ADCY5: variants seen among roughly 807,000 people sequenced by gnomAD.
The protein encoded by ADCY5 is adenylate cyclase type 5.
In ADCY5, 30 loss-of-function variants were observed where a neutral mutation model predicts 119.7. The ratio of observed to expected loss-of-function variants is 0.25; its 90% confidence interval spans 0.19 to 0.34. ADCY5 has a LOEUF of 0.34. ADCY5 is among the 10% of genes least tolerant of loss of function. ADCY5 has a pLI of 1.00. For synonymous variants in ADCY5, 753 were observed against 762.2 expected (o/e 0.99, Z 0.20); for missense variants, 1,324 against 1,775.2 (o/e 0.75, Z 4.57).
intron 6 of ADCY5, 59 bp from the exon 7 acceptor site, chr3:123,327,818 C>G: frequency 6.3e-7 from 1 of 1,589,464 alleles, no homozygotes. Flanking sequence ...ATAATGTCAG[C>G]CCCCGTGAAA....
At chr3:123,351,646 T>C (rs142499862) in intron 2 of ADCY5, among the ~76,000 whole-genome samples, 59 of 152,248 alleles carry the variant, frequency 3.9e-4, no homozygotes, top group Non-Finnish European at 6.2e-4. Context: ...AGGCCTCCCA[T>C]GTGTGAGCCA....
rs1477621349 is a variant in ADCY5, at chr3:123,283,836, A to AAAGAC, written c.*767_*771dup. The stretch of plus-strand genomic sequence containing the variant: ...AATAATACAAAATAAAAAATACAAA[A>AAAGAC]AAGACAAGTGGGGATCCCCGCCCTC... On this transcript the variant is annotated 3_prime_UTR_variant, in exon 21 of 21. Transcript: ENST00000462833. The AAAGAC allele has an allele frequency of 7.2e-5, 11 of 152,212 alleles. No individual in the cohort carries two copies. The highest frequency in any genetic ancestry group is 2.4e-4 in the African/African-American group (10 of 41,446). The allele number at this position is 152,212 out of a possible 1,614,324, so 9.4% of individuals were successfully genotyped here. A position where few individuals can be genotyped will look rare whatever the true frequency, so the allele number is the denominator to read the frequency against.
At chr3:123,294,760 C>T (rs372977597) in intron 17 of ADCY5, among the ~76,000 whole-genome samples, 2 of 152,088 alleles carry the variant, frequency 1.3e-5, no homozygotes, top group Non-Finnish European at 2.9e-5. Context: ...TGCTGATCGC[C>T]GATGGGGAGG....
intron 1 of ADCY5, chr3:123,416,197 C>T (rs1283604523): frequency 3.9e-6 from 6 of 1,535,994 alleles, no homozygotes; most frequent in Non-Finnish European, 4.4e-6. Flanking sequence ...CCGTGGGGCC[C>T]ATTCTCCTCC....
At chr3:123,420,546 C>A (rs1292580190) in intron 1 of ADCY5, among the ~76,000 whole-genome samples, 1 of 152,190 alleles carries the variant, frequency 6.6e-6, no homozygotes, top group Non-Finnish European at 1.5e-5. Context: ...GGCCGCATCT[C>A]CATTCTCCTA....
At chr3:123,343,740 G>A (rs906137787) in intron 3 of ADCY5, among the ~76,000 whole-genome samples, 4 of 152,132 alleles carry the variant, frequency 2.6e-5, no homozygotes, top group Non-Finnish European at 4.4e-5. Flanking sequence ...CAGCCCTGGC[G>A]CTGTCAGCTG....
intron 1 of ADCY5, among the ~76,000 whole-genome samples, chr3:123,376,931 T>C (rs1267382797): frequency 6.6e-6 from 1 of 152,222 alleles, no homozygotes; most frequent in Non-Finnish European, 1.5e-5. Flanking sequence ...TGGGGGAAGC[T>C]GCATCCTCTG....
intron 14 of ADCY5, among the ~76,000 whole-genome samples, chr3:123,301,025 T>C (rs1297699974): frequency 6.6e-6 from 1 of 152,028 alleles, no homozygotes; most frequent in African/African-American, 2.4e-5. Context: ...TGCCCTGTGC[T>C]GTTCCCTCTG....
Position 123,448,523 on chromosome 3 carries a change from C to A in ADCY5, c.23G>T (p.Ser8Ile), listed in dbSNP as rs1945873405. 4.7e-6 allele frequency: 6 copies of A among 1,265,636 alleles called. No individual in the cohort carries two copies. The highest frequency in any genetic ancestry group is 8.4e-5 in the Admixed American group (2 of 23,776). The allele number at this position is 1,265,636 out of a possible 1,614,324, so 78.4% of individuals were successfully genotyped here. The change falls in exon 1 of 21, where the codon AGC becomes ATC. Residue 8 changes from serine (S) to isoleucine (I), a missense_variant. This residue lies in a region of ADCY5 where 585 missense variants were observed against 569.9 expected (regional missense o/e 1.03). Transcript: ENST00000462833. ...CTTCTGCGCCGCGTAGCCCGGGGGG[C>A]TCACGCTTTTGGAGCCGGACATCCC... is the stretch of plus-strand genomic sequence containing the variant. MSGSKSVSPPGYAAQKTA... is the reference protein window; with the variant it reads MSGSKSVIPPGYAAQKTA...
chr3:123,290,991 CCAT>C, intron 18 of ADCY5, 119 bp downstream of exon 18: 1 of 1,316,434 alleles, frequency 7.6e-7, no homozygotes, highest in Non-Finnish European at 1.0e-6. Flanking sequence ...GGCAGAGCTC[CCAT>C]CATCACTGCT....
At chr3:123,431,212 A>G (rs948122648) in intron 1 of ADCY5, among the ~76,000 whole-genome samples, 18 of 152,360 alleles carry the variant, frequency 1.2e-4, no homozygotes, top group African/African-American at 4.3e-4. Context: ...TCTAGTTTAC[A>G]GCGGAGTCAA....
intron 1 of ADCY5, among the ~76,000 whole-genome samples, chr3:123,398,413 C>T (rs1424696708): frequency 6.6e-6 from 1 of 152,126 alleles, no homozygotes; most frequent in African/African-American, 2.4e-5. Context: ...CTGAACGGGG[C>T]TTGGTTCTCT....
At chr3:123,421,115 G>A (rs1156284191) in intron 1 of ADCY5, among the ~76,000 whole-genome samples, 1 of 152,134 alleles carries the variant, frequency 6.6e-6, no homozygotes, top group African/African-American at 2.4e-5. Context: ...ACTGTGGGTT[G>A]GGATTTCAAT....
At chr3:123,339,582 C>T (rs1942181129) in intron 3 of ADCY5, among the ~76,000 whole-genome samples, 1 of 152,162 alleles carries the variant, frequency 6.6e-6, no homozygotes, top group African/African-American at 2.4e-5. Context: ...GTGCTCTCTC[C>T]ACTCTCACAA....
In ADCY5 at chr3:123,370,854, C is replaced by T. The variant is rs1156964706; in HGVS notation, c.1135-18273G>A. Among the ~76,000 whole-genome samples the T allele has an allele frequency of 2.0e-5, 3 of 152,062 alleles. No homozygotes were observed. The East Asian group carries it at 5.8e-4, about 29-fold the overall frequency. On this transcript the variant is annotated intron_variant, in intron 1 of 20. Coordinates refer to ENST00000462833, the MANE Select transcript of ADCY5 (RefSeq NM_183357.3). The stretch of plus-strand genomic sequence containing the variant: ...CCCCCACTTCCTCCTCCTCCCTTCC[C>T]ACCACGTGCTCTGGGGCAGAAGGGA...
At chr3:123,435,830 G>A (rs1434258852) in intron 1 of ADCY5, among the ~76,000 whole-genome samples, 5 of 149,980 alleles carry the variant, frequency 3.3e-5, no homozygotes, top group Admixed American at 2.7e-4. Context: ...AGACCAGCCT[G>A]GGCAACCTGG....
At chr3:123,345,771 C>CAG (rs1264528610) in intron 3 of ADCY5, among the ~76,000 whole-genome samples, 104 of 150,272 alleles carry the variant, frequency 6.9e-4, no homozygotes, top group Middle Eastern at 3.4e-3. Context: ...GACAGACAGA[C>CAG]ACACACACAC....
chr3:123,331,168 T>C (rs1941746228), intron 4 of ADCY5, 152 bp from the exon 5 acceptor site: 1 of 793,706 alleles, frequency 1.3e-6, no homozygotes, highest in Non-Finnish European at 2.0e-6. Flanking sequence ...GGCATGGTCC[T>C]GGGACAGGCT....
chr3:123,434,797 C>T (rs930578340), intron 1 of ADCY5, among the ~76,000 whole-genome samples: 1 of 152,086 alleles, frequency 6.6e-6, no homozygotes, highest in East Asian at 1.9e-4. Flanking sequence ...ATAGCCCTAC[C>T]TTCCCTTCCT....
Sources: gnomAD v4.1 joint callset for allele counts (sites outside exome capture counted in the v4.1 genomes callset) on GRCh38, gnomAD v4.1.1 for gene constraint, gnomAD v4.1.1 regional missense constraint, MANE v1.5 for transcripts, NCBI Gene and HGNC (gene_info 2026-07-23, HGNC 2026-07-21) for gene names.